KIAA1958: variants seen among roughly 807,000 people sequenced by gnomAD.
KIAA1958 encodes the protein uncharacterized protein KIAA1958.
KIAA1958 carries 14 observed loss-of-function variants against 47.2 expected under a neutral mutation model. That is an observed-to-expected ratio of 0.30 (90% CI 0.20 to 0.46). The LOEUF is 0.46. Among genes scored for constraint, KIAA1958 ranks in the 20% least tolerant of loss-of-function variants. KIAA1958 has a pLI of 1.00. For synonymous variants in KIAA1958, 354 were observed against 353.3 expected, an observed-to-expected ratio of 1.00 and a Z score of -0.02; for missense variants, 803 against 909.2, an observed-to-expected ratio of 0.88 and a Z score of 1.50.
In KIAA1958 at chr9:112,574,628, A is replaced by G; in HGVS notation, c.548A>G (p.His183Arg). Residue 183 changes from histidine (H) to arginine (R), a missense_variant, in exon 2 of 4, where the codon CAT (histidine) becomes CGT (arginine). Coordinates refer to ENST00000337530, the MANE Select transcript of KIAA1958 (RefSeq NM_133465.4). ...KRPGVVPSSL[H>R]SSSQTQMVDE... ...CCTGGGGTAGTCCCATCTTCCCTCC[A>G]TTCAAGCTCCCAGACGCAGATGGTT... 6.2e-7 allele frequency: 1 copy of G among 1,614,174 alleles called. No homozygotes were observed. Among genetic ancestry groups the G allele is most frequent in the South Asian group, 1.1e-5 (1 of 91,072 alleles).
chr9:112,555,072 C>G lies in KIAA1958; in HGVS notation c.-24-18985C>G, dbSNP rs1406826245. 2.0e-5 allele frequency among the ~76,000 whole-genome samples: 3 copies of G among 152,208 alleles called. No homozygotes were observed. The East Asian group carries it at 5.8e-4, about 29-fold the overall frequency. On this transcript the variant is annotated intron_variant, in intron 1 of 3. Coordinates refer to ENST00000337530, the MANE Select transcript of KIAA1958 (RefSeq NM_133465.4). ...GGTAATTAGTGCTGAGCACCTAACA[C>G]AAGTCAAAGAAAAGTCTTCTCCCCT... is the stretch of plus-strand genomic sequence containing the variant.
chr9:112,634,079 A>G (rs535714234), intron 2 of KIAA1958, among the ~76,000 whole-genome samples: 10 of 152,336 alleles, frequency 6.6e-5, no homozygotes, highest in East Asian at 1.9e-4. Context: ...GCACAAATCA[A>G]TGCTTGTACC....
intron 1 of KIAA1958, among the ~76,000 whole-genome samples, chr9:112,509,085 TG>T (rs138244246): frequency 0.39 from 58,344 of 148,846 alleles, 12,226 homozygotes; most frequent in Non-Finnish European, 0.51. Context: ...ATACATTTAA[TG>T]TTTTTTTTTT....
chr9:112,491,368 T>TC (rs1479408796), intron 1 of KIAA1958, among the ~76,000 whole-genome samples: 2 of 152,248 alleles, frequency 1.3e-5, no homozygotes, highest in Non-Finnish European at 2.9e-5. Flanking sequence ...TAGCTTTTTT[T>TC]CTTCTCTGCA....
intron 3 of KIAA1958, among the ~76,000 whole-genome samples, chr9:112,658,140 A>C (rs1372573495): frequency 6.6e-6 from 1 of 152,182 alleles, no homozygotes; most frequent in East Asian, 1.9e-4. Flanking sequence ...TACAGGCGTG[A>C]GCCACCATGC....
At chr9:112,569,768 G>A (rs1835501507) in intron 1 of KIAA1958, among the ~76,000 whole-genome samples, 1 of 151,880 alleles carries the variant, frequency 6.6e-6, no homozygotes, top group South Asian at 2.1e-4. Flanking sequence ...TCACAGGTGT[G>A]CGCCTCCATG....
intron 1 of KIAA1958, among the ~76,000 whole-genome samples, chr9:112,552,459 C>T (rs1243571644): frequency 6.6e-6 from 1 of 152,152 alleles, no homozygotes; most frequent in Non-Finnish European, 1.5e-5. Context: ...AAGTAGACTG[C>T]CAGCCTGTGG....
chr9:112,552,585 C>T (rs965138456), intron 1 of KIAA1958, among the ~76,000 whole-genome samples: 4 of 152,194 alleles, frequency 2.6e-5, no homozygotes, highest in Admixed American at 1.3e-4. Context: ...AACAGTGATG[C>T]TTAATGTTCA....
chr9:112,554,194 TTACATTAG>T (rs1835202246), intron 1 of KIAA1958, among the ~76,000 whole-genome samples: 1 of 152,118 alleles, frequency 6.6e-6, no homozygotes, highest in Non-Finnish European at 1.5e-5. Context: ...ATGAAGGCAC[TTACATTAG>T]TTAATAATTA....
At chr9:112,576,443 G>A (rs900067680) in intron 2 of KIAA1958, among the ~76,000 whole-genome samples, 3 of 151,926 alleles carry the variant, frequency 2.0e-5, no homozygotes, top group Non-Finnish European at 4.4e-5. Flanking sequence ...TACAACTATC[G>A]CTATTATCTA....
At chr9:112,625,362 C>T (rs1215650001) in intron 2 of KIAA1958, among the ~76,000 whole-genome samples, 1 of 152,136 alleles carries the variant, frequency 6.6e-6, no homozygotes, top group Non-Finnish European at 1.5e-5. Flanking sequence ...CTGTGTTGCC[C>T]AGGCTGGTCT....
At chr9:112,658,117 T>A in intron 3 of KIAA1958, among the ~76,000 whole-genome samples, 1 of 152,102 alleles carries the variant, frequency 6.6e-6, no homozygotes, top group East Asian at 1.9e-4. Flanking sequence ...TTGGCCTCTC[T>A]AAGTGTTGGG....
chr9:112,503,211 T>C (rs73543743), intron 1 of KIAA1958, among the ~76,000 whole-genome samples: 191 of 152,338 alleles, frequency 1.3e-3, no homozygotes, highest in African/African-American at 4.4e-3. Flanking sequence ...AAGGAATATC[T>C]CACAGAGAAA....
At chr9:112,630,053 G>A (rs955693751) in intron 2 of KIAA1958, among the ~76,000 whole-genome samples, 4 of 151,724 alleles carry the variant, frequency 2.6e-5, no homozygotes, top group Admixed American at 2.6e-4. Flanking sequence ...GATGAGCCAA[G>A]CAGCCCATGT....
chr9:112,532,965 AT>A (rs1834775550), intron 1 of KIAA1958, among the ~76,000 whole-genome samples: 1 of 152,222 alleles, frequency 6.6e-6, no homozygotes, highest in Admixed American at 6.5e-5. Flanking sequence ...TTTAATATGA[AT>A]TTTAAATGTA....
intron 1 of KIAA1958, among the ~76,000 whole-genome samples, chr9:112,515,222 C>T (rs1254604553): frequency 9.3e-6 from 1 of 107,120 alleles, no homozygotes; most frequent in African/African-American, 3.3e-5. Flanking sequence ...GGGGGGTCAG[C>T]CCCCCACCCG....
chr9:112,591,628 C>G (rs1193063202), intron 2 of KIAA1958, among the ~76,000 whole-genome samples: 2 of 151,728 alleles, frequency 1.3e-5, no homozygotes, highest in African/African-American at 4.8e-5. Context: ...TGTGGTGGCT[C>G]ATGCCTGTAA....
chr9:112,524,122 CGTTAA>C (rs1554721233), intron 1 of KIAA1958, among the ~76,000 whole-genome samples: 1 of 152,190 alleles, frequency 6.6e-6, no homozygotes, highest in Non-Finnish European at 1.5e-5. Context: ...GTGGCACAGA[CGTTAA>C]GAGTTCTGAG....
intron 1 of KIAA1958, among the ~76,000 whole-genome samples, chr9:112,566,688 C>T (rs1835432060): frequency 6.6e-6 from 1 of 152,032 alleles, no homozygotes; most frequent in South Asian, 2.1e-4. Context: ...TTCTCATTGC[C>T]CTACAACACT....
Sources: allele counts gnomAD v4.1 joint callset (sites outside exome capture counted in the v4.1 genomes callset), GRCh38; gene constraint gnomAD v4.1.1; transcripts MANE v1.5; gene names NCBI Gene and HGNC (gene_info 2026-07-23, HGNC 2026-07-21).